SHISA9: variants seen among roughly 807,000 people sequenced by gnomAD.
SHISA9 encodes protein shisa-9.
Under a neutral mutation model 38.0 loss-of-function variants are expected in SHISA9, and 13 were observed. That is an observed-to-expected ratio of 0.34 (90% CI 0.22 to 0.54). The LOEUF (loss-of-function observed/expected upper bound fraction) is 0.54. Among genes scored for constraint, SHISA9 ranks in the 20% least tolerant of loss-of-function variants. The pLI is 0.91. For missense variants in SHISA9, 538 were observed against 575.8 expected (o/e 0.93, Z 0.67); for synonymous variants, 275 against 242.0 (o/e 1.14, Z -1.27).
chr16:13,104,486 G>T (rs1260290189), intron 2 of SHISA9, among the ~76,000 whole-genome samples: 1 of 152,098 alleles, frequency 6.6e-6, no homozygotes, highest in Non-Finnish European at 1.5e-5. Flanking sequence ...ACAAAATGTG[G>T]TATATCCATA....
intron 2 of SHISA9, among the ~76,000 whole-genome samples, chr16:13,114,729 C>G (rs1380655730): frequency 6.6e-6 from 1 of 151,982 alleles, no homozygotes; most frequent in East Asian, 1.9e-4. Flanking sequence ...ATGCTTAATT[C>G]CTAGTCTCTT....
chr16:13,478,199 A>G, the SHISA9 span, among the ~76,000 whole-genome samples: 2 of 152,270 alleles, frequency 1.3e-5, 1 homozygote, highest in South Asian at 4.1e-4. Context: ...TATATTTCAA[A>G]ACACATAAAA....
chr16:13,221,121 C>A (rs781600996), intron 4 of SHISA9, among the ~76,000 whole-genome samples: 4 of 152,016 alleles, frequency 2.6e-5, no homozygotes, highest in Non-Finnish European at 5.9e-5. Context: ...CGCCTTTTTC[C>A]GGTTTTCTCT....
At position 12,938,035 on chromosome 16, in the gene SHISA9, G is replaced by T. The variant is rs568452189; in HGVS notation, c.691+21220G>T. 1.7e-3 allele frequency among the ~76,000 whole-genome samples: 264 copies of T among 152,300 alleles called. 1 individual carries two copies. The highest frequency in any genetic ancestry group is 0.014 in the Middle Eastern group (4 of 294). On this transcript the variant is annotated intron_variant, in intron 2 of 4. Transcript: ENST00000558583. ...CCTTGAGGAGCATACAGAGATCTTG[G>T]CCAGTGGCCACCAGTCTCTCCTTGA...
chr16:13,561,132 G>A, the SHISA9 span, among the ~76,000 whole-genome samples: 3 of 152,174 alleles, frequency 2.0e-5, no homozygotes, highest in South Asian at 6.2e-4. Context: ...CCTCCATAGT[G>A]CTGGGATTAA....
chr16:13,403,924 G>A, the SHISA9 span, among the ~76,000 whole-genome samples: 2 of 152,154 alleles, frequency 1.3e-5, no homozygotes, highest in Non-Finnish European at 2.9e-5. Flanking sequence ...TCTGATGTTT[G>A]GGTGGGTCCT....
intron 2 of SHISA9, among the ~76,000 whole-genome samples, chr16:13,190,785 C>T (rs1441064684): frequency 6.6e-6 from 1 of 152,122 alleles, no homozygotes; most frequent in Non-Finnish European, 1.5e-5. Flanking sequence ...TTTAACAACT[C>T]TAGTTTTAAA....
At chr16:13,098,369 C>T (rs1412258128) in intron 2 of SHISA9, among the ~76,000 whole-genome samples, 1 of 152,184 alleles carries the variant, frequency 6.6e-6, no homozygotes, top group Non-Finnish European at 1.5e-5. Context: ...AATGGCTCCT[C>T]TTCTTTTCTT....
At chr16:12,997,897 A>G (rs2072478257) in intron 2 of SHISA9, among the ~76,000 whole-genome samples, 1 of 152,208 alleles carries the variant, frequency 6.6e-6, no homozygotes, top group Non-Finnish European at 1.5e-5. Flanking sequence ...AGAAGCTTGC[A>G]TATTTCAAGA....
At chr16:13,021,562 A>T (rs932213729) in intron 2 of SHISA9, among the ~76,000 whole-genome samples, 3 of 152,198 alleles carry the variant, frequency 2.0e-5, no homozygotes, top group Admixed American at 1.3e-4. Context: ...CAGAACAATC[A>T]GATGAACAAC....
intron 1 of SHISA9, 123 bp from the exon 2 acceptor site, chr16:12,916,565 C>G: frequency 8.4e-7 from 1 of 1,188,960 alleles, no homozygotes; most frequent in Non-Finnish European, 1.1e-6. Context: ...CCACCCCTAA[C>G]TAGAATGGTG....
At chr16:13,065,563 T>C (rs1187615115) in intron 2 of SHISA9, among the ~76,000 whole-genome samples, 1 of 152,272 alleles carries the variant, frequency 6.6e-6, no homozygotes, top group African/African-American at 2.4e-5. Context: ...CTTTTGCCCA[T>C]GTTTCTAGCT....
intron 2 of SHISA9, among the ~76,000 whole-genome samples, chr16:12,925,801 T>G (rs548130530): frequency 1.3e-5 from 2 of 152,230 alleles, no homozygotes; most frequent in Admixed American, 1.3e-4. Flanking sequence ...TACTATAGCA[T>G]TGATACTTAG....
At chr16:12,956,784 A>ATTTG (rs1050728659) in intron 2 of SHISA9, among the ~76,000 whole-genome samples, 2 of 152,178 alleles carry the variant, frequency 1.3e-5, no homozygotes, top group African/African-American at 4.8e-5. Context: ...AGTGTGCAGT[A>ATTTG]TTTGGGTGAT....
chr16:13,179,530 C>A (rs951853259), intron 2 of SHISA9, among the ~76,000 whole-genome samples: 1 of 152,174 alleles, frequency 6.6e-6, no homozygotes, highest in Admixed American at 6.6e-5. Context: ...GAAGGAAGAA[C>A]TAGGACTCAC....
chr16:13,451,363 T>G, the SHISA9 span, among the ~76,000 whole-genome samples: 1,153 of 152,314 alleles, frequency 7.6e-3, 16 homozygotes, highest in African/African-American at 0.027. Context: ...CAAGCACAGA[T>G]AAGCACACAC....
intron 2 of SHISA9, among the ~76,000 whole-genome samples, chr16:13,181,575 A>T (rs530134177): frequency 9.9e-4 from 151 of 152,008 alleles, no homozygotes; most frequent in African/African-American, 3.4e-3. Flanking sequence ...TTTTGATTTT[A>T]TTCTAAAGTG....
At chr16:13,407,008 C>T in the SHISA9 span, among the ~76,000 whole-genome samples, 140 of 133,546 alleles carry the variant, frequency 1.0e-3, 1 homozygote, top group Middle Eastern at 0.026. Context: ...GCAGAGGTTG[C>T]AGTGAGCTGA....
the SHISA9 span, among the ~76,000 whole-genome samples, chr16:13,398,629 G>A: frequency 1.3e-5 from 2 of 151,468 alleles, no homozygotes; most frequent in African/African-American, 2.4e-5. Context: ...TCCTGCCTTA[G>A]CCTCCTGAGT....
Sources: allele counts gnomAD v4.1 joint callset (sites outside exome capture counted in the v4.1 genomes callset), GRCh38; gene constraint gnomAD v4.1.1; transcripts MANE v1.5; gene names NCBI Gene and HGNC (gene_info 2026-07-23, HGNC 2026-07-21).